The following TRPM6 variants were observed in gnomAD, a reference collection of about 807,000 sequenced individuals.
TRPM6 encodes transient receptor potential cation channel subfamily M member 6, also known as channel kinase 2.
Under a neutral mutation model 247.6 loss-of-function variants are expected in TRPM6, and 111 were observed. That is an observed-to-expected ratio of 0.45 (90% confidence interval 0.38 to 0.52). TRPM6 has a LOEUF of 0.52. Among genes scored for constraint, TRPM6 ranks in the 20% least tolerant of loss-of-function variants. The pLI, the probability that TRPM6 is intolerant of heterozygous loss-of-function variation, is 0.00. For synonymous variants in TRPM6, 892 were observed against 853.8 expected (o/e 1.04, Z -0.78); for missense variants, 2,126 against 2,421.5 (o/e 0.88, Z 2.56).
chr9:74,750,557 CA>C (rs1169430106), intron 30 of TRPM6, 106 bp downstream of exon 30: 1 of 979,504 alleles, frequency 1.0e-6, no homozygotes, highest in African/African-American at 1.6e-5. Flanking sequence ...TCATTTGACA[CA>C]CACTTCTTTT....
intron 13 of TRPM6, among the ~76,000 whole-genome samples, chr9:74,809,879 C>A (rs1175519698): frequency 7.0e-6 from 1 of 143,550 alleles, no homozygotes; most frequent in Non-Finnish European, 1.5e-5. Context: ...ATTCAGGAGG[C>A]TGAGGCAGGA....
chr9:74,773,430 A>G (rs1049465047), intron 24 of TRPM6, among the ~76,000 whole-genome samples: 2 of 152,326 alleles, frequency 1.3e-5, no homozygotes, highest in East Asian at 1.9e-4. Flanking sequence ...ACAGCTGTAT[A>G]CCTTCTCTGA....
At chr9:74,831,383 G>A (rs1295710409) in intron 6 of TRPM6, among the ~76,000 whole-genome samples, 1 of 152,120 alleles carries the variant, frequency 6.6e-6, no homozygotes, top group Non-Finnish European at 1.5e-5. Flanking sequence ...CCAGCTACTT[G>A]GGAGGCTGAG....
intron 7 of TRPM6, among the ~76,000 whole-genome samples, chr9:74,822,464 A>G (rs760209453): frequency 1.3e-5 from 2 of 150,342 alleles, no homozygotes; most frequent in Non-Finnish European, 3.0e-5. Context: ...TATGTTGCTC[A>G]GGTTGATCTC....
chr9:74,772,030 T>A (rs1000904922), intron 24 of TRPM6, among the ~76,000 whole-genome samples, 195 bp from the exon 25 acceptor site: 1 of 152,234 alleles, frequency 6.6e-6, no homozygotes, highest in Non-Finnish European at 1.5e-5. Flanking sequence ...GGTTCACGCT[T>A]GTAATCCCAA....
At chr9:74,807,923 T>A (rs1307352455) in intron 14 of TRPM6, 111 bp downstream of exon 14, 2 of 1,227,404 alleles carry the variant, frequency 1.6e-6, no homozygotes, top group Non-Finnish European at 2.4e-6. Flanking sequence ...TGTCCATAAA[T>A]AAAATGACCA....
chr9:74,801,260 T>A (rs1828325366), intron 16 of TRPM6, among the ~76,000 whole-genome samples: 1 of 142,992 alleles, frequency 7.0e-6, no homozygotes. Flanking sequence ...TTTTTTTTTT[T>A]TTTTTTTTTT....
intron 19 of TRPM6, among the ~76,000 whole-genome samples, chr9:74,791,994 T>G (rs1346327622): frequency 1.3e-5 from 2 of 152,182 alleles, no homozygotes; most frequent in Non-Finnish European, 2.9e-5. Context: ...CCTGACCTTG[T>G]GATCTGCCCG....
intron 33 of TRPM6, among the ~76,000 whole-genome samples, chr9:74,740,520 T>C (rs1035134822): frequency 1.3e-5 from 2 of 152,228 alleles, no homozygotes; most frequent in African/African-American, 4.8e-5. Flanking sequence ...TGCATATACA[T>C]AATGACATAT....
At chr9:74,830,878 T>C (rs1410225007) in intron 6 of TRPM6, among the ~76,000 whole-genome samples, 1 of 145,978 alleles carries the variant, frequency 6.9e-6, no homozygotes, top group Non-Finnish European at 1.5e-5. Context: ...ACTGGGGTTA[T>C]AGGCATGAGC....
chr9:74,795,433 T>C (rs1365548218), intron 18 of TRPM6, among the ~76,000 whole-genome samples: 2 of 152,222 alleles, frequency 1.3e-5, no homozygotes, highest in Non-Finnish European at 2.9e-5. Flanking sequence ...TTCCTACAAG[T>C]ACTCCCAGCT....
rs564466838 is a variant in TRPM6, at chr9:74,794,764, A to C, written c.2391+1977T>G. On this transcript the variant is annotated intron_variant, in intron 18 of 38. Transcript: ENST00000360774. The stretch of plus-strand genomic sequence containing the variant: ...GACACCAATTGCTATGATGAAGACA[A>C]CCTGAGAACATAAATTCAGATTTTT... 1.2e-4 allele frequency among the ~76,000 whole-genome samples: 19 copies of C among 152,256 alleles called. No individual in the cohort carries two copies. In the East Asian group the frequency reaches 3.5e-3, roughly 28 times the overall value.
chr9:74,785,298 G>T (rs1827604633), intron 21 of TRPM6, among the ~76,000 whole-genome samples: 1 of 151,982 alleles, frequency 6.6e-6, no homozygotes, highest in African/African-American at 2.4e-5. Flanking sequence ...TCTTTACAAA[G>T]AACACTAGAA....
rs139476357 is a variant in TRPM6, at chr9:74,827,946, C to A, written c.673G>T (p.Val225Leu). ...NQRDLIGKDV[V>L]CLYQTLDNPL... ...TTATCCAGAGTCTGGTACAGGCACA[C>A]CACCTGAGAGACAGCAAGGACAAGG... is the stretch of plus-strand genomic sequence containing the variant. The change falls in exon 7 of 39, where the codon GTG becomes TTG. Residue 225 changes from valine (V) to leucine (L), a missense_variant. Val to Leu is a conservative substitution (Grantham distance 32, BLOSUM62 1). Transcript: ENST00000360774. 2.5e-6 allele frequency: 4 copies of A among 1,613,838 alleles called. No homozygotes were observed. The highest frequency in any genetic ancestry group is 3.4e-6 in the Non-Finnish European group (4 of 1,179,930).
Position 74,858,884 on chromosome 9 carries a change from A to G in TRPM6, c.34-136T>C. ...GCCAAGACCAACCCCACACAGGCTA[A>G]GCATTTACCAGTTTCTATTACAGAT... On this transcript the variant is annotated intron_variant, in intron 1 of 38. Coordinates refer to ENST00000360774, the MANE Select transcript of TRPM6 (RefSeq NM_017662.5). The G allele has an allele frequency of 4.6e-6, 3 of 657,972 alleles. No homozygotes were observed. The South Asian group carries it at 5.8e-5, about 13-fold the overall frequency. The allele number at this position is 657,972 out of a possible 1,614,324, so 40.8% of individuals were successfully genotyped here.
At chr9:74,871,712 C>T (rs571627351) in intron 1 of TRPM6, among the ~76,000 whole-genome samples, 6 of 152,110 alleles carry the variant, frequency 3.9e-5, no homozygotes, top group South Asian at 2.1e-4. Context: ...AGATGACTTA[C>T]GAGCAACTTT....
intron 15 of TRPM6, among the ~76,000 whole-genome samples, chr9:74,802,544 A>G (rs1336661885): frequency 6.6e-6 from 1 of 152,240 alleles, no homozygotes; most frequent in African/African-American, 2.4e-5. Context: ...ACCACAGAGC[A>G]GTACGATGAG....
chr9:74,804,328 T>C, intron 14 of TRPM6: 2 of 423,798 alleles, frequency 4.7e-6, no homozygotes, highest in Non-Finnish European at 8.6e-6. Context: ...TCTCAGGTAT[T>C]ATATAATATC....
At chr9:74,832,141 C>T (rs1266544626) in intron 6 of TRPM6, among the ~76,000 whole-genome samples, 1 of 152,110 alleles carries the variant, frequency 6.6e-6, no homozygotes, top group African/African-American at 2.4e-5. Context: ...TACCAATTTA[C>T]AGAAAAGAAG....
Sources: gnomAD v4.1 joint callset for allele counts (sites outside exome capture counted in the v4.1 genomes callset) on GRCh38, gnomAD v4.1.1 for gene constraint, MANE v1.5 for transcripts, NCBI Gene and HGNC (gene_info 2026-07-23, HGNC 2026-07-21) for gene names.